The following PRKCE variants were observed in gnomAD, a reference collection of about 807,000 sequenced individuals.
PRKCE encodes protein kinase C epsilon type.
PRKCE carries 16 observed loss-of-function variants against 85.4 expected under a neutral mutation model. The observed-to-expected ratio is 0.19, with a 90% CI of 0.13 to 0.28. The LOEUF (loss-of-function observed/expected upper bound fraction) is 0.28. PRKCE is among the 10% of genes least tolerant of loss of function. PRKCE has a pLI of 1.00. For synonymous variants in PRKCE, 388 were observed against 371.5 expected (o/e 1.04, Z -0.51); for missense variants, 573 against 975.2 (o/e 0.59, Z 5.49).
chr2:45,730,546 G>A (rs1681483004), intron 1 of PRKCE, among the ~76,000 whole-genome samples: 1 of 148,990 alleles, frequency 6.7e-6, no homozygotes, highest in African/African-American at 2.5e-5. Flanking sequence ...TGCGACTTCT[G>A]CCTCCTGGGT....
intron 1 of PRKCE, among the ~76,000 whole-genome samples, chr2:45,703,552 TAAAGA>T (rs990606347): frequency 2.7e-5 from 4 of 148,916 alleles, no homozygotes; most frequent in Admixed American, 6.7e-5. Flanking sequence ...AAAAAAAGAA[TAAAGA>T]AAAGAAAAGA....
At chr2:45,938,561 C>G (rs1452836820) in intron 2 of PRKCE, among the ~76,000 whole-genome samples, 2 of 152,110 alleles carry the variant, frequency 1.3e-5, no homozygotes, top group African/African-American at 4.8e-5. Flanking sequence ...CCCCATCAAG[C>G]CTTGCAGCAG....
chr2:46,182,187 C>T (rs1196073638), intron 14 of PRKCE, among the ~76,000 whole-genome samples: 6 of 152,262 alleles, frequency 3.9e-5, no homozygotes, highest in Non-Finnish European at 5.9e-5. Flanking sequence ...CCAGCCCGCT[C>T]CTCCCTCTGG....
At chr2:45,665,996 C>A (rs1462984393) in intron 1 of PRKCE, among the ~76,000 whole-genome samples, 1 of 152,054 alleles carries the variant, frequency 6.6e-6, no homozygotes, top group East Asian at 1.9e-4. Context: ...TCTAGGGCTT[C>A]TAGAGTCATG....
chr2:46,133,428 C>G (rs1481985066), intron 11 of PRKCE, among the ~76,000 whole-genome samples: 1 of 152,200 alleles, frequency 6.6e-6, no homozygotes, highest in East Asian at 1.9e-4. Context: ...CCCTAGACCT[C>G]TCCTTGAAAA....
At chr2:46,025,263 T>C (rs1707011182) in intron 10 of PRKCE, among the ~76,000 whole-genome samples, 1 of 152,182 alleles carries the variant, frequency 6.6e-6, no homozygotes, top group South Asian at 2.1e-4. Flanking sequence ...AAAAAACAGC[T>C]GTGCAGGAGC....
At chr2:45,762,804 G>A (rs1422805247) in intron 1 of PRKCE, among the ~76,000 whole-genome samples, 1 of 152,188 alleles carries the variant, frequency 6.6e-6, no homozygotes, top group African/African-American at 2.4e-5. Flanking sequence ...TTATAGATAA[G>A]AAAGTGTCAA....
intron 2 of PRKCE, among the ~76,000 whole-genome samples, chr2:45,928,979 C>A (rs1313408524): frequency 6.6e-6 from 1 of 152,190 alleles, no homozygotes; most frequent in Admixed American, 6.5e-5. Context: ...CAGCCTTTTC[C>A]TATTAGCTGT....
At chr2:46,057,511 T>G (rs1402052706) in intron 10 of PRKCE, among the ~76,000 whole-genome samples, 2 of 151,898 alleles carry the variant, frequency 1.3e-5, no homozygotes, top group Non-Finnish European at 2.9e-5. Flanking sequence ...CTCAGTTCAC[T>G]GCAACCTCCA....
intron 1 of PRKCE, among the ~76,000 whole-genome samples, chr2:45,657,543 C>G (rs1338344222): frequency 6.6e-6 from 1 of 152,156 alleles, no homozygotes; most frequent in South Asian, 2.1e-4. Context: ...CCAAAATGAG[C>G]ATGGGGCTGG....
chr2:46,098,053 C>T (rs183121285), intron 11 of PRKCE, among the ~76,000 whole-genome samples: 4 of 152,224 alleles, frequency 2.6e-5, no homozygotes, highest in East Asian at 3.9e-4. Context: ...AAGTTTGGAA[C>T]CAAAGGGAAA....
At chr2:45,741,094 T>C (rs2176347) in intron 1 of PRKCE, among the ~76,000 whole-genome samples, 1 of 152,022 alleles carries the variant, frequency 6.6e-6, no homozygotes. Context: ...GGAAATTTCC[T>C]TAGTGGAATT....
At chr2:45,744,103 CT>C (rs1297727737) in intron 1 of PRKCE, among the ~76,000 whole-genome samples, 1 of 151,054 alleles carries the variant, frequency 6.6e-6, no homozygotes, top group Non-Finnish European at 1.5e-5. Context: ...GTAACTTTGT[CT>C]TTCTTGCTTG....
At chr2:45,974,049 T>A (rs1395084904) in intron 2 of PRKCE, among the ~76,000 whole-genome samples, 3 of 152,222 alleles carry the variant, frequency 2.0e-5, no homozygotes, top group Non-Finnish European at 4.4e-5. Flanking sequence ...TGTCCTATGA[T>A]GCCCAGGATG....
chr2:45,793,990 C>T (rs1010436191), intron 1 of PRKCE, among the ~76,000 whole-genome samples: 6 of 152,192 alleles, frequency 3.9e-5, no homozygotes, highest in African/African-American at 4.8e-5. Flanking sequence ...AATCCCACAT[C>T]TCCATGCCTG....
At chr2:45,992,772 T>C (rs576984775) in intron 6 of PRKCE, among the ~76,000 whole-genome samples, 38 of 152,086 alleles carry the variant, frequency 2.5e-4, no homozygotes, top group Non-Finnish European at 5.3e-4. Flanking sequence ...ATCTCAGCTA[T>C]AAAAAGGGTG....
chr2:45,750,293 C>T (rs925618381), intron 1 of PRKCE, among the ~76,000 whole-genome samples: 56 of 152,212 alleles, frequency 3.7e-4, no homozygotes, highest in African/African-American at 1.3e-3. Context: ...GTTCCTCCCT[C>T]CCCCAGCCCC....
chr2:45,942,149 C>T (rs908017335), intron 2 of PRKCE, among the ~76,000 whole-genome samples: 3 of 152,184 alleles, frequency 2.0e-5, no homozygotes, highest in African/African-American at 2.4e-5. Flanking sequence ...GAAACATTTA[C>T]GTCTCATGTT....
At chr2:45,760,271 G>A (rs772366268) in intron 1 of PRKCE, among the ~76,000 whole-genome samples, 2 of 152,126 alleles carry the variant, frequency 1.3e-5, no homozygotes, top group African/African-American at 2.4e-5. Context: ...GAAAATCAAG[G>A]CCACAGAAAG....
Sources: allele counts gnomAD v4.1 joint callset (sites outside exome capture counted in the v4.1 genomes callset), GRCh38; gene constraint gnomAD v4.1.1; transcripts MANE v1.5; gene names NCBI Gene and HGNC (gene_info 2026-07-23, HGNC 2026-07-21).